Variants in SIRT4 observed in about 807,000 individuals in gnomAD.
SIRT4 encodes the protein NAD-dependent protein lipoamidase sirtuin-4, mitochondrial.
A neutral mutation model predicts 26.1 loss-of-function variants in SIRT4; 23 were observed. The ratio of observed to expected loss-of-function variants is 0.88; its 90% CI spans 0.63 to 1.25. The LOEUF (loss-of-function observed/expected upper bound fraction) is 1.25. Among genes scored for constraint, SIRT4 ranks in the 50% most tolerant of loss-of-function variants. SIRT4 has a pLI of 0.00. For missense variants in SIRT4, 361 were observed against 405.4 expected, an observed-to-expected ratio of 0.89 and a Z score of 0.94; for synonymous variants, 155 against 158.4, an observed-to-expected ratio of 0.98 and a Z score of 0.16.
chr12:120,305,091 T>G (rs1592897256), intron 2 of SIRT4, among the ~76,000 whole-genome samples: 1 of 150,990 alleles, frequency 6.6e-6, no homozygotes, highest in African/African-American at 2.4e-5. Context: ...GAGGTAGAGG[T>G]TGCAGTGAGC....
chr12:120,293,813 C>T, the SIRT4 span, among the ~76,000 whole-genome samples: 1 of 148,316 alleles, frequency 6.7e-6, no homozygotes, highest in Non-Finnish European at 1.5e-5. Flanking sequence ...CCGTGGCAAC[C>T]TCTTTTCTAC....
intron 2 of SIRT4, among the ~76,000 whole-genome samples, chr12:120,311,706 A>G (rs938699228): frequency 3.1e-5 from 4 of 129,218 alleles, no homozygotes; most frequent in Non-Finnish European, 6.3e-5. Context: ...TTGCACTCCA[A>G]CCTGGGCAAT....
the SIRT4 span, among the ~76,000 whole-genome samples, chr12:120,292,881 T>C: frequency 3.7e-4 from 56 of 152,314 alleles, no homozygotes; most frequent in Middle Eastern, 6.8e-3. Flanking sequence ...TGCTTTTACC[T>C]TAAAAGTAGA....
In SIRT4 at chr12:120,303,695, AAG is replaced by A; in HGVS notation, c.137_138del (p.Glu46ValfsTer40). 1 of 1,614,094 alleles carries A rather than the reference AAG, an allele frequency of 6.2e-7. No homozygotes were observed. Among genetic ancestry groups the A allele is most frequent in the South Asian group, 1.1e-5 (1 of 91,080 alleles). ...CCTCCTCTGGACCCTGAGAAGGTCAAAGAGTTACAGCGCTTCATCACCCTTTC... is the reference window on the plus strand; with the variant it reads ...CCTCCTCTGGACCCTGAGAAGGTCAAAGTTACAGCGCTTCATCACCCTTTC... On this transcript the variant is annotated frameshift_variant, in exon 2 of 4. Coordinates refer to ENST00000202967, the MANE Select transcript of SIRT4 (RefSeq NM_012240.3). LOFTEE classifies it high-confidence loss of function.
At position 120,304,135 on chromosome 12, in the gene SIRT4, AC is replaced by A. The variant is rs570875804; in HGVS notation, c.497+79del. ...AGTAGGGACCTTGGCTGTCTTGATC[AC>A]CACAGTCTTAGACCTTGAGAAAAGG... On this transcript the variant is annotated intron_variant, in intron 2 of 3. Transcript: ENST00000202967. 27 of 1,534,694 alleles carry A rather than the reference AC, an allele frequency of 1.8e-5. No individual in the cohort carries two copies. The South Asian group carries it at 2.8e-4, about 16-fold the overall frequency.
chr12:120,304,633 C>CA (rs1469016567), intron 2 of SIRT4, among the ~76,000 whole-genome samples: 11 of 138,834 alleles, frequency 7.9e-5, no homozygotes, highest in Admixed American at 2.2e-4. Flanking sequence ...GGCAACAGTG[C>CA]AAAAAAAAAG....
chr12:120,311,363 TA>T (rs1872964521), intron 2 of SIRT4, among the ~76,000 whole-genome samples: 1 of 139,412 alleles, frequency 7.2e-6, no homozygotes, highest in Admixed American at 7.3e-5. Flanking sequence ...CTCAAAAAAA[TA>T]AAAAATAAAA....
upstream of SIRT4, among the ~76,000 whole-genome samples, chr12:120,299,621 AGTGT>A (rs1449014581): frequency 6.6e-6 from 1 of 152,126 alleles, no homozygotes; most frequent in Non-Finnish European, 1.5e-5. Flanking sequence ...CGAGGGCTAT[AGTGT>A]GGGAGCAGTT....
chr12:120,292,264 G>C, the SIRT4 span, among the ~76,000 whole-genome samples: 1 of 152,130 alleles, frequency 6.6e-6, no homozygotes. Context: ...CAGCAGGGTG[G>C]GGGGAGTTGG....
At chr12:120,293,139 G>C in the SIRT4 span, 1 of 152,114 alleles carries the variant, frequency 6.6e-6, no homozygotes, top group African/African-American at 2.4e-5. Context: ...CGACTATATT[G>C]CAAGTCGTCA....
chr12:120,297,485 C>T (rs1476130554), upstream of SIRT4, among the ~76,000 whole-genome samples: 1 of 144,942 alleles, frequency 6.9e-6, no homozygotes, highest in Non-Finnish European at 1.5e-5. Flanking sequence ...CACCAGCTGA[C>T]TTGGATGACA....
upstream of SIRT4, among the ~76,000 whole-genome samples, chr12:120,301,378 AACAAACT>A (rs1421606732): frequency 2.0e-5 from 3 of 152,268 alleles, no homozygotes; most frequent in East Asian, 3.9e-4. Flanking sequence ...CAACAACAAC[AACAAACT>A]ATCACTTTTT....
At position 120,313,207 on chromosome 12, in the gene SIRT4, A is replaced by T; in HGVS notation, c.*171A>T. ...TAATGTGTGGATATTCTTAATTAAA[A>T]CTCATTTTTTTTAAATAAAAAATTG... On this transcript the variant is annotated 3_prime_UTR_variant, in exon 4 of 4. Coordinates refer to ENST00000202967, the MANE Select transcript of SIRT4 (RefSeq NM_012240.3). 5.9e-6 allele frequency: 4 copies of T among 675,926 alleles called. No individual in the cohort carries two copies. Among genetic ancestry groups the T allele is most frequent in the Non-Finnish European group, 9.6e-6 (4 of 416,504 alleles). The allele number at this position is 675,926 out of a possible 1,614,324, so 41.9% of individuals were successfully genotyped here. A position where few individuals can be genotyped will look rare whatever the true frequency, so the allele number is the denominator to read the frequency against.
At position 120,312,984 on chromosome 12, in the gene SIRT4, T is replaced by C. The variant is rs1187269783; in HGVS notation, c.893T>C (p.Leu298Pro). 6.2e-7 allele frequency: 1 copy of C among 1,614,062 alleles called. No homozygotes were observed. The highest frequency in any genetic ancestry group is 1.3e-5 in the African/African-American group (1 of 74,932). Residue 298 changes from leucine (L) to proline (P), a missense_variant, in exon 4 of 4, where the codon CTG becomes CCG. Transcript: ENST00000202967. ...ACACGGTCGGATGACTTGGCGTGTC[T>C]GAAACTGAATTCTCGTTGTGGAGAG... ...GPTRSDDLAC[L>P]KLNSRCGELL...
chr12:120,291,893 T>C, the SIRT4 span: 7 of 152,178 alleles, frequency 4.6e-5, no homozygotes, highest in Non-Finnish European at 7.3e-5. Flanking sequence ...ATACTGCCAC[T>C]GCGCAAAGCT....
At chr12:120,293,134 A>C in the SIRT4 span, 2 of 152,206 alleles carry the variant, frequency 1.3e-5, no homozygotes, top group African/African-American at 2.4e-5. Flanking sequence ...AGTGCCGACT[A>C]TATTGCAAGT....
the SIRT4 span, among the ~76,000 whole-genome samples, chr12:120,297,233 A>AATAAATACATACATAC: frequency 7.4e-6 from 1 of 134,350 alleles, no homozygotes; most frequent in East Asian, 2.2e-4. Flanking sequence ...AAAATAAATA[A>AATAAATACATACATAC]ATACATACAT....
chr12:120,299,978 C>T (rs976436309), upstream of SIRT4, among the ~76,000 whole-genome samples: 1 of 151,948 alleles, frequency 6.6e-6, no homozygotes, highest in Non-Finnish European at 1.5e-5. Context: ...CTTCATGAAA[C>T]GATGCTGCCA....
In SIRT4 at chr12:120,304,359, G is replaced by C. The variant is rs572749971; in HGVS notation, c.497+301G>C. Among the ~76,000 whole-genome samples the C allele has an allele frequency of 2.0e-5, 3 of 152,264 alleles. No homozygotes were observed. In the East Asian group the frequency reaches 5.8e-4, roughly 29 times the overall value. ...CCTGAGGATTGTCTCAATGAAACTTGAGGACTGGGGCCGGGCGCAGTGGCT... is the reference window on the plus strand; with the variant it reads ...CCTGAGGATTGTCTCAATGAAACTTCAGGACTGGGGCCGGGCGCAGTGGCT... On this transcript the variant is annotated intron_variant, in intron 2 of 3. Coordinates refer to ENST00000202967, the MANE Select transcript of SIRT4 (RefSeq NM_012240.3).
Sources: allele counts gnomAD v4.1 joint callset (sites outside exome capture counted in the v4.1 genomes callset), GRCh38; gene constraint gnomAD v4.1.1; transcripts MANE v1.5; gene names NCBI Gene and HGNC (gene_info 2026-07-23, HGNC 2026-07-21).